Variants in CACNA2D3 observed in about 807,000 individuals in gnomAD.
CACNA2D3 encodes the protein calcium voltage-gated channel auxiliary subunit alpha2delta 3, also known as voltage-dependent calcium channel subunit alpha-2/delta-3.
Under a neutral mutation model 160.6 loss-of-function variants are expected in CACNA2D3, and 60 were observed. The observed-to-expected ratio is 0.37, with a 90% CI of 0.30 to 0.46. The LOEUF (loss-of-function observed/expected upper bound fraction) is 0.46, where lower values mean the gene tolerates loss of function less well. CACNA2D3 is among the 20% of genes least tolerant of loss of function. The probability of loss-of-function intolerance (pLI) is 1.00; values close to 1 mark genes in which losing one functional copy is unlikely to be tolerated. For synonymous variants in CACNA2D3, 558 were observed against 492.9 expected, an observed-to-expected ratio of 1.13 and a Z score of -1.75; for missense variants, 1,205 against 1,365.0, an observed-to-expected ratio of 0.88 and a Z score of 1.85.
chr3:54,265,676 GTATA>G (rs748735473), intron 2 of CACNA2D3, among the ~76,000 whole-genome samples: 38 of 128,036 alleles, frequency 3.0e-4, no homozygotes, highest in Admixed American at 2.9e-3. Flanking sequence ...TATAGTGTGT[GTATA>G]TATATATAGT....
intron 35 of CACNA2D3, among the ~76,000 whole-genome samples, chr3:55,034,210 G>A (rs1050581442): frequency 4.0e-5 from 6 of 151,878 alleles, no homozygotes; most frequent in East Asian, 1.9e-4. Flanking sequence ...ATACCAACAC[G>A]GTGTGTTATG....
intron 2 of CACNA2D3, among the ~76,000 whole-genome samples, chr3:54,126,611 C>T (rs1247408525): frequency 1.3e-5 from 2 of 152,046 alleles, no homozygotes; most frequent in Non-Finnish European, 2.9e-5. Context: ...TTTTATAAAA[C>T]GCAGTAAGCC....
chr3:54,255,327 C>G (rs1028826248), intron 2 of CACNA2D3, among the ~76,000 whole-genome samples: 1 of 152,128 alleles, frequency 6.6e-6, no homozygotes, highest in Non-Finnish European at 1.5e-5. Context: ...CAGAGGGGGA[C>G]AGTAATGATC....
In CACNA2D3 at chr3:54,813,098, C is replaced by T. The variant is rs181035886; in HGVS notation, c.1381-3755C>T. ...ATGTATCCTGCACCCAGCTTTTTCT[C>T]AGGAGTGTGTAAACCCACAGCACAC... On this transcript the variant is annotated intron_variant, in intron 13 of 37. Coordinates refer to ENST00000474759, the MANE Select transcript of CACNA2D3 (RefSeq NM_018398.3). Among the ~76,000 whole-genome samples the T allele has an allele frequency of 5.8e-4, 88 of 152,286 alleles. 1 individual carries two copies. Among genetic ancestry groups the T allele is most frequent in the Admixed American group, 5.2e-4 (8 of 15,282 alleles).
chr3:54,975,521 CAAAAAAAAAAAAAAA>C (rs55819960), intron 29 of CACNA2D3, among the ~76,000 whole-genome samples: 2 of 77,778 alleles, frequency 2.6e-5, no homozygotes, highest in Non-Finnish European at 5.3e-5. Context: ...ACTTGGTCTC[CAAAAAAAAAAAAAAA>C]AAAAAAAAAA....
At chr3:54,884,682 C>T (rs931812951) in intron 21 of CACNA2D3, among the ~76,000 whole-genome samples, 1 of 152,212 alleles carries the variant, frequency 6.6e-6, no homozygotes, top group Non-Finnish European at 1.5e-5. Context: ...CAAGCCCCAG[C>T]TCCCCTAGTT....
intron 9 of CACNA2D3, among the ~76,000 whole-genome samples, chr3:54,605,634 T>C (rs1435617806): frequency 2.6e-5 from 4 of 152,310 alleles, no homozygotes; most frequent in African/African-American, 9.6e-5. Context: ...TAAATTTATT[T>C]GGTGTCTCTC....
intron 9 of CACNA2D3, among the ~76,000 whole-genome samples, chr3:54,607,636 C>G (rs982883947): frequency 6.6e-6 from 1 of 152,158 alleles, no homozygotes; most frequent in African/African-American, 2.4e-5. Context: ...AATAGTGCAG[C>G]CATTCTGGAA....
intron 2 of CACNA2D3, among the ~76,000 whole-genome samples, chr3:54,141,401 C>G (rs979932078): frequency 5.3e-5 from 8 of 152,108 alleles, no homozygotes; most frequent in Admixed American, 6.5e-5. Flanking sequence ...TGACTTAAGC[C>G]TCCCAACCAA....
intron 24 of CACNA2D3, among the ~76,000 whole-genome samples, chr3:54,890,495 C>CAAAAAAAAAAAA (rs34740812): frequency 1.6e-5 from 1 of 60,840 alleles, no homozygotes; most frequent in Non-Finnish European, 3.2e-5. Flanking sequence ...GACTCCGTCT[C>CAAAAAAAAAAAA]AAAAAAAAAA....
chr3:54,541,094 G>A (rs1004314766), intron 5 of CACNA2D3, among the ~76,000 whole-genome samples: 14 of 151,874 alleles, frequency 9.2e-5, no homozygotes, highest in Non-Finnish European at 1.8e-4. Flanking sequence ...TGGCTAACAT[G>A]GTGAAACCCC....
At chr3:54,530,156 C>T (rs554311305) in intron 5 of CACNA2D3, among the ~76,000 whole-genome samples, 1 of 152,194 alleles carries the variant, frequency 6.6e-6, no homozygotes, top group Non-Finnish European at 1.5e-5. Context: ...AGTTCAGTTT[C>T]TTTGTTGCTT....
intron 2 of CACNA2D3, among the ~76,000 whole-genome samples, chr3:54,138,725 C>T (rs1699865603): frequency 1.3e-5 from 2 of 152,200 alleles, no homozygotes; most frequent in Admixed American, 1.3e-4. Flanking sequence ...ATTCCATCCT[C>T]ATTCTGCATT....
At chr3:54,299,129 G>A (rs1369476127) in intron 2 of CACNA2D3, among the ~76,000 whole-genome samples, 2 of 151,966 alleles carry the variant, frequency 1.3e-5, no homozygotes, top group African/African-American at 4.8e-5. Flanking sequence ...ATACCTCACT[G>A]GCTTGTTGTG....
chr3:54,741,608 A>T (rs1002204056), intron 11 of CACNA2D3, among the ~76,000 whole-genome samples: 6 of 151,928 alleles, frequency 3.9e-5, no homozygotes, highest in Non-Finnish European at 7.4e-5. Context: ...AAATAAAAAA[A>T]AAAAAGACTG....
rs992724226 is a variant in CACNA2D3 at position 54,686,607 on chromosome 3, T to G, written c.1167+44366T>G. 4.6e-5 allele frequency among the ~76,000 whole-genome samples: 7 copies of G among 152,348 alleles called. No individual in the cohort carries two copies. The South Asian group carries it at 1.5e-3, about 32-fold the overall frequency. On this transcript the variant is annotated intron_variant, in intron 11 of 37. Coordinates refer to ENST00000474759, the MANE Select transcript of CACNA2D3 (RefSeq NM_018398.3). ...TCCCAAACTGTGGGCCGAGGTACCC[T>G]TTGGTATGCAGCAAAATCACCAGGG...
intron 35 of CACNA2D3, among the ~76,000 whole-genome samples, chr3:55,046,077 T>G (rs1454994422): frequency 6.7e-6 from 1 of 150,018 alleles, no homozygotes; most frequent in Non-Finnish European, 1.5e-5. Context: ...TTTGATAGGT[T>G]TTATGTTACA....
At chr3:54,396,968 C>T (rs1387731680) in intron 4 of CACNA2D3, among the ~76,000 whole-genome samples, 32 of 2,594 alleles carry the variant, frequency 0.012, 2 homozygotes, top group Middle Eastern at 0.056. Context: ...GGTTGGTAAA[C>T]TATTGATTAT....
chr3:54,774,327 C>G (rs1401037625), intron 13 of CACNA2D3, among the ~76,000 whole-genome samples: 2 of 152,114 alleles, frequency 1.3e-5, no homozygotes, highest in Admixed American at 1.3e-4. Context: ...GAGGAGGCCT[C>G]AGGAAACTTA....
Sources: allele counts gnomAD v4.1 joint callset (sites outside exome capture counted in the v4.1 genomes callset), GRCh38; gene constraint gnomAD v4.1.1; transcripts MANE v1.5; gene names NCBI Gene and HGNC (gene_info 2026-07-23, HGNC 2026-07-21).